PAWR: variants seen among roughly 807,000 people sequenced by gnomAD.
The protein encoded by PAWR is PRKC apoptosis WT1 regulator protein.
Under a neutral mutation model 32.0 loss-of-function variants are expected in PAWR, and 23 were observed. The ratio of observed to expected loss-of-function variants is 0.72; its 90% CI spans 0.52 to 1.02. PAWR has a LOEUF of 1.02. PAWR is among the 50% of genes least tolerant of loss of function. The pLI is 0.00. For synonymous variants in PAWR, 226 were observed against 187.1 expected, an observed-to-expected ratio of 1.21 and a Z score of -1.70; for missense variants, 457 against 437.7, an observed-to-expected ratio of 1.04 and a Z score of -0.39.
intron 4 of PAWR, among the ~76,000 whole-genome samples, chr12:79,606,113 T>C (rs545591281): frequency 6.6e-6 from 1 of 152,212 alleles, no homozygotes; most frequent in East Asian, 1.9e-4. Flanking sequence ...GAAAGCCATA[T>C]ACTATATGAT....
intron 6 of PAWR, among the ~76,000 whole-genome samples, chr12:79,593,214 C>T (rs1359057776): frequency 1.3e-5 from 2 of 152,092 alleles, no homozygotes; most frequent in African/African-American, 2.4e-5. Flanking sequence ...AAACTGAGGC[C>T]TACGGAAAAG....
Position 79,690,023 on chromosome 12 carries a change from C to G in PAWR, c.222G>C (p.Pro74=), listed in dbSNP as rs926174907. The stretch of plus-strand genomic sequence containing the variant: ...CGGCAGGTGCGGCCGGCGCGCCGCC[C>G]GGGAGGTTGTTGTTGAGCTCGTTGG... ...AAANELNNNL[P]GGAPAAPAVP... The change falls in exon 2 of 7, where the codon CCG becomes CCC. Residue 74 remains proline (P), a synonymous_variant. Coordinates refer to ENST00000328827, the MANE Select transcript of PAWR (RefSeq NM_002583.4). 7.6e-7 allele frequency: 1 copy of G among 1,314,052 alleles called. No individual in the cohort carries two copies. The allele number at this position is 1,314,052 out of a possible 1,614,324, so 81.4% of individuals were successfully genotyped here.
chr12:79,662,189 T>C (rs1877382707), intron 2 of PAWR, among the ~76,000 whole-genome samples: 1 of 113,412 alleles, frequency 8.8e-6, no homozygotes, highest in South Asian at 2.6e-4. Flanking sequence ...GGCAACATAC[T>C]GAGACATCTC....
At chr12:79,625,042 T>A (rs990896678) in intron 2 of PAWR, among the ~76,000 whole-genome samples, 3 of 152,132 alleles carry the variant, frequency 2.0e-5, no homozygotes, top group Admixed American at 2.0e-4. Context: ...TCCTTCAGTA[T>A]GACATTACCT....
At chr12:79,604,640 T>C in intron 4 of PAWR, 1 of 1,287,674 alleles carries the variant, frequency 7.8e-7, no homozygotes, top group Non-Finnish European at 1.0e-6. Context: ...TTTAGTATCT[T>C]TCACTGCCCC....
intron 2 of PAWR, chr12:79,632,302 TATATACATAC>T (rs1231275994): frequency 0.44 from 3,013 of 6,882 alleles, 615 homozygotes; most frequent in Non-Finnish European, 0.53. Flanking sequence ...TATACATATA[TATATACATAC>T]ATATATATAT....
At chr12:79,608,257 G>A (rs1384210055) in intron 4 of PAWR, among the ~76,000 whole-genome samples, 1 of 152,082 alleles carries the variant, frequency 6.6e-6, no homozygotes, top group Non-Finnish European at 1.5e-5. Flanking sequence ...AACCTTTTTG[G>A]CAACAGGGAA....
chr12:79,604,176 C>T (rs1565998698), intron 4 of PAWR: 1 of 930,326 alleles, frequency 1.1e-6, no homozygotes, highest in Non-Finnish European at 1.3e-6. Context: ...TCATTAACTC[C>T]AAAAAGTTTT....
At chr12:79,642,709 A>C (rs1390765671) in intron 2 of PAWR, among the ~76,000 whole-genome samples, 2 of 152,144 alleles carry the variant, frequency 1.3e-5, no homozygotes, top group Non-Finnish European at 2.9e-5. Context: ...GCAAATCTCC[A>C]AATACAGTTC....
chr12:79,626,095 C>A (rs1410735091), intron 2 of PAWR, among the ~76,000 whole-genome samples: 1 of 130,116 alleles, frequency 7.7e-6, no homozygotes, highest in East Asian at 2.7e-4. Context: ...ACCCGGGAGG[C>A]GGAGCTTGCA....
chr12:79,683,253 T>C (rs1878528127), intron 2 of PAWR, among the ~76,000 whole-genome samples: 1 of 152,242 alleles, frequency 6.6e-6, no homozygotes, highest in African/African-American at 2.4e-5. Context: ...AATTAACCTA[T>C]ACAGTAACTA....
At chr12:79,619,710 C>T (rs543711078) in intron 3 of PAWR, among the ~76,000 whole-genome samples, 1 of 152,212 alleles carries the variant, frequency 6.6e-6, no homozygotes, top group East Asian at 1.9e-4. Flanking sequence ...AATTAGATCT[C>T]CCCCAAATCC....
At chr12:79,639,483 G>A (rs1419750915) in intron 2 of PAWR, among the ~76,000 whole-genome samples, 3 of 152,102 alleles carry the variant, frequency 2.0e-5, no homozygotes, top group Admixed American at 2.0e-4. Flanking sequence ...CAGAACCTAC[G>A]TTTGTGGTTT....
At chr12:79,639,834 A>G (rs111894615) in intron 2 of PAWR, among the ~76,000 whole-genome samples, 1 of 56,110 alleles carries the variant, frequency 1.8e-5, no homozygotes, top group Non-Finnish European at 3.5e-5. Flanking sequence ...TTCCTTTTCC[A>G]TTCCTATTCC....
chr12:79,641,845 CAAAAAAAAAAAAAAAA>C (rs35377529), intron 2 of PAWR, among the ~76,000 whole-genome samples: 10 of 57,626 alleles, frequency 1.7e-4, no homozygotes, highest in Non-Finnish European at 2.7e-4. Flanking sequence ...GACTCCGTCT[CAAAAAAAAAAAAAAAA>C]AAAAAAAAAA....
intron 2 of PAWR, among the ~76,000 whole-genome samples, chr12:79,661,093 C>T (rs1877328254): frequency 6.6e-6 from 1 of 151,326 alleles, no homozygotes; most frequent in Admixed American, 6.6e-5. Flanking sequence ...CAGGGTGAAA[C>T]CCCATCTCTA....
Position 79,592,562 on chromosome 12 carries a change from A to C in PAWR, c.*45T>G, listed in dbSNP as rs1873592183. The C allele has an allele frequency of 1.3e-6, 1 of 741,400 alleles. No individual in the cohort carries two copies. The highest frequency in any genetic ancestry group is 1.8e-5 in the African/African-American group (1 of 56,806). The allele number at this position is 741,400 out of a possible 1,614,324, so 45.9% of individuals were successfully genotyped here. A position where few individuals can be genotyped will look rare whatever the true frequency, so the allele number is the denominator to read the frequency against. ...GTGCTAGCATTGACCATTAACATTCAATCAGTAGTTTAAAATATTTTTTCC... is the reference window on the plus strand; with the variant it reads ...GTGCTAGCATTGACCATTAACATTCCATCAGTAGTTTAAAATATTTTTTCC... On this transcript the variant is annotated 3_prime_UTR_variant, in exon 7 of 7. Coordinates refer to ENST00000328827, the MANE Select transcript of PAWR (RefSeq NM_002583.4).
At position 79,653,543 on chromosome 12, in the gene PAWR, G is replaced by A. The variant is rs180922751; in HGVS notation, c.517-32336C>T. Among the ~76,000 whole-genome samples the A allele has an allele frequency of 2.1e-3, 325 of 152,248 alleles. 1 individual carries two copies. In the South Asian group the frequency reaches 0.031, roughly 15 times the overall value. On this transcript the variant is annotated intron_variant, in intron 2 of 6. Coordinates refer to ENST00000328827, the MANE Select transcript of PAWR (RefSeq NM_002583.4). ...TGCCCAGGCTGGAGTGCAATGGCAC[G>A]ATCTCAGCTCACTGCAACCTCCACT...
chr12:79,592,732 A>T (rs560508451), intron 6 of PAWR, 39 bp from the exon 7 acceptor site: 1 of 700,306 alleles, frequency 1.4e-6, no homozygotes, highest in Admixed American at 2.5e-5. Context: ...ATACTTAAAA[A>T]TATTTGAGGA....
Sources: allele counts gnomAD v4.1 joint callset (sites outside exome capture counted in the v4.1 genomes callset), GRCh38; gene constraint gnomAD v4.1.1; transcripts MANE v1.5; gene names NCBI Gene and HGNC (gene_info 2026-07-23, HGNC 2026-07-21).